The following ABCA2 variants were observed in gnomAD, a reference collection of about 807,000 sequenced individuals.
The protein encoded by ABCA2 is ATP binding cassette subfamily A member 2, also known as ATP-binding cassette sub-family A member 2.
Under a neutral mutation model 262.8 loss-of-function variants are expected in ABCA2, and 84 were observed. The ratio of observed to expected loss-of-function variants is 0.32; its 90% CI spans 0.27 to 0.38. ABCA2 has a LOEUF of 0.38. Ranked by LOEUF, ABCA2 falls within the 10% of genes least tolerant of loss-of-function variation. The probability of loss-of-function intolerance (pLI) is 1.00; values close to 1 mark genes in which losing one functional copy is unlikely to be tolerated. For synonymous variants in ABCA2, 1,696 were observed against 1,502.9 expected (o/e 1.13, Z -2.97); for missense variants, 2,662 against 3,405.9 (o/e 0.78, Z 5.44).
At position 137,020,589 on chromosome 9, in the gene ABCA2, A is replaced by G. The variant is rs1357469608; in HGVS notation, c.1266-94T>C. The G allele has an allele frequency of 1.4e-5, 21 of 1,546,388 alleles. No homozygotes were observed. In the East Asian group the frequency reaches 4.5e-4, roughly 33 times the overall value. ...GGGATGGGGCAGGACTTCGGGGCACAGGGCAGGGCGCCAAATGAGACCTCC... is the reference window on the plus strand; with the variant it reads ...GGGATGGGGCAGGACTTCGGGGCACGGGGCAGGGCGCCAAATGAGACCTCC... On this transcript the variant is annotated intron_variant, in intron 9 of 48. Coordinates refer to ENST00000341511, the MANE Select transcript of ABCA2 (RefSeq NM_001606.5).
chr9:137,028,346 C>T (rs932884300), upstream of ABCA2: 4 of 879,236 alleles, frequency 4.5e-6, no homozygotes, highest in Admixed American at 6.4e-5. This position sits in a 1 kb window ranked among gnomAD's most constrained non-coding sequence, Gnocchi z 6.9. Context: ...TTAAAGGCGC[C>T]GCGCTCCGTC....
In ABCA2 at chr9:137,012,904, G is replaced by A; in HGVS notation, c.4889C>T (p.Ser1630Phe). The A allele has an allele frequency of 6.5e-7, 1 of 1,541,582 alleles. No homozygotes were observed. Among genetic ancestry groups the A allele is most frequent in the Non-Finnish European group, 8.8e-7 (1 of 1,142,722 alleles). ...AGPEMWTSAP[S>F]LPRLVREPVR... Reference sequence around the variant, plus strand: ...GGGCTCCCGTACCAGGCGCGGCAGGGAGGGTGCCGACGTCCACATTTCTGT... The same window carrying A: ...GGGCTCCCGTACCAGGCGCGGCAGGAAGGGTGCCGACGTCCACATTTCTGT... Residue 1630 changes from serine to phenylalanine, a missense_variant, in exon 31 of 49, where the codon TCC becomes TTC. Ser to Phe is a radical substitution (Grantham distance 155). Transcript: ENST00000341511.
intron 22 of ABCA2, 25 bp from the exon 23 acceptor site, chr9:137,015,896 G>C: frequency 6.2e-7 from 1 of 1,607,706 alleles, no homozygotes; most frequent in African/African-American, 1.3e-5. Context: ...TGGGGCATGG[G>C]GCTGCTGCTA....
In ABCA2 at chr9:137,019,125, G is replaced by A. The variant is rs1831367517; in HGVS notation, c.1554+53C>T. 5.6e-6 allele frequency: 9 copies of A among 1,603,544 alleles called. No homozygotes were observed. The highest frequency in any genetic ancestry group is 6.8e-6 in the Non-Finnish European group (8 of 1,173,564). On this transcript the variant is annotated intron_variant, in intron 11 of 48. Transcript: ENST00000341511. This position sits in a 1 kb window ranked among gnomAD's most constrained non-coding sequence, Gnocchi z 4.4. ...ACCTGCGCCTGCCGAGCCGGGCAGAGAGGGGCTCCCCACACCACCCACAGC... is the reference window on the plus strand; with the variant it reads ...ACCTGCGCCTGCCGAGCCGGGCAGAAAGGGGCTCCCCACACCACCCACAGC...
rs373621504 is a variant in ABCA2, at chr9:137,011,328, C to G, written c.5800-19G>C. On this transcript the variant is annotated intron_variant, in intron 37 of 48. Transcript: ENST00000341511. This position sits in a 1 kb window ranked among gnomAD's most constrained non-coding sequence, Gnocchi z 8.8. ...TCAGGTCCTGCGGGGTGGCCGGGGTCAGGGGCACAGGGGTGGCCGGGGTGA... is the reference window on the plus strand; with the variant it reads ...TCAGGTCCTGCGGGGTGGCCGGGGTGAGGGGCACAGGGGTGGCCGGGGTGA... 1 of 1,606,062 alleles carries G rather than the reference C, an allele frequency of 6.2e-7. No individual in the cohort carries two copies. The highest frequency in any genetic ancestry group is 2.2e-5 in the East Asian group (1 of 44,694).
At chr9:137,020,290 C>T (rs763437906) in intron 10 of ABCA2, 46 bp downstream of exon 10, 8 of 1,607,130 alleles carry the variant, frequency 5.0e-6, no homozygotes, top group Non-Finnish European at 6.8e-6. Context: ...GCAGAGACCC[C>T]CTCCCACTCT....
Position 137,028,062 on chromosome 9 carries a change from G to C in ABCA2, c.66+13C>G, listed in dbSNP as rs1420952168. 29 of 984,016 alleles carry C rather than the reference G, an allele frequency of 2.9e-5. No homozygotes were observed. Among genetic ancestry groups the C allele is most frequent in the Non-Finnish European group, 3.4e-5 (28 of 829,092 alleles). The allele number at this position is 984,016 out of a possible 1,614,324, so 61.0% of individuals were successfully genotyped here. A position where few individuals can be genotyped will look rare whatever the true frequency, so the allele number is the denominator to read the frequency against. On this transcript the variant is annotated intron_variant, in intron 1 of 48. Coordinates refer to ENST00000341511, the MANE Select transcript of ABCA2 (RefSeq NM_001606.5). This position sits in a 1 kb window ranked among gnomAD's most constrained non-coding sequence, Gnocchi z 6.9. Reference sequence around the variant, plus strand: ...GGCCTCGGGCTGAGGGCGGGCGCGTGGGGTGGGCTCACCGGGCTCCGGCGT... The same window carrying C: ...GGCCTCGGGCTGAGGGCGGGCGCGTCGGGTGGGCTCACCGGGCTCCGGCGT...
rs775540856 is a variant in ABCA2 at position 137,021,036 on chromosome 9, G to A, written c.923C>T (p.Ser308Leu). The A allele has an allele frequency of 2.7e-6, 4 of 1,482,594 alleles. No individual in the cohort carries two copies. Among genetic ancestry groups the A allele is most frequent in the Admixed American group, 2.6e-5 (1 of 39,054 alleles). 91.8% of individuals were successfully genotyped at this position (1,482,594 alleles called of 1,614,324 possible). Residue 308 changes from serine (S) to leucine (L), a missense_variant, in exon 9 of 49, where the codon TCG becomes TTG. Ser to Leu is a moderately radical substitution (Grantham distance 145). Transcript: ENST00000341511. This position sits in a 1 kb window ranked among gnomAD's most constrained non-coding sequence, Gnocchi z 6.0. ...QQLGLDAPNG[S>L]DSSPQAPPPR... is the part of the protein sequence containing the mutation. ...GGGTGGCGCCTGTGGCGAGGAGTCCGAGCCGTTGGGGGCATCCAGGCCCAG... is the reference window on the plus strand; with the variant it reads ...GGGTGGCGCCTGTGGCGAGGAGTCCAAGCCGTTGGGGGCATCCAGGCCCAG...
At position 137,020,839 on chromosome 9, in the gene ABCA2, C is replaced by G. The variant is rs1484942108; in HGVS notation, c.1120G>C (p.Gly374Arg). ...AGGAANGTGA[G>R]AVMGPNATAE... ...GTGGCGTTGGGGCCCATGACTGCCC[C>G]TGCCCCAGTGCCATTGGCCGCCCCA... The change falls in exon 9 of 49, where the codon GGG becomes CGG. Residue 374 changes from glycine to arginine, a missense_variant. By Grantham distance (125) the Gly-to-Arg change is moderately radical (BLOSUM62 -2). Transcript: ENST00000341511. 6.4e-7 allele frequency: 1 copy of G among 1,550,662 alleles called. No homozygotes were observed.
At chr9:137,023,233 T>A (rs1266553508) in intron 3 of ABCA2, 181 bp from the exon 4 acceptor site, 2 of 633,140 alleles carry the variant, frequency 3.2e-6, no homozygotes, top group African/African-American at 1.8e-5. Context: ...AGGCCAAGCG[T>A]TCTGGGGCGA....
rs1383420664 is a variant in ABCA2 at position 137,013,838 on chromosome 9, C to T, written c.4441G>A (p.Glu1481Lys). The change falls in exon 28 of 49, where the codon GAG becomes AAG. Residue 1481 changes from glutamate (E) to lysine (K), a missense_variant. Physicochemically the swap from Glu to Lys is moderately conservative, Grantham distance 56. Around this residue, in one of 12 missense-constraint regions of ABCA2, gnomAD observed 75 missense variants for 118.3 expected, o/e 0.63. Transcript: ENST00000341511. ...TGTCCAGCCGGTGGCCTACCAATCT[C>T]CGGGACGGACAGGGCCACGGTCATG... ...VAMTVALSVPEIGDLPPLVLS... is the reference protein window; with the variant it reads ...VAMTVALSVPKIGDLPPLVLS... 6.2e-7 allele frequency: 1 copy of T among 1,605,280 alleles called. No individual in the cohort carries two copies. The highest frequency in any genetic ancestry group is 8.5e-7 in the Non-Finnish European group (1 of 1,176,582).
At position 137,017,076 on chromosome 9, in the gene ABCA2, G is replaced by A. The variant is rs1159833284; in HGVS notation, c.2602C>T (p.Leu868=). The A allele has an allele frequency of 1.7e-5, 28 of 1,612,650 alleles. No homozygotes were observed. Among genetic ancestry groups the A allele is most frequent in the Non-Finnish European group, 2.3e-5 (27 of 1,179,988 alleles). The change falls in exon 19 of 49, where the codon CTG becomes TTG. Residue 868 remains leucine (L), a synonymous_variant. Coordinates refer to ENST00000341511, the MANE Select transcript of ABCA2 (RefSeq NM_001606.5). ...ATGCCCACGCCGGCCACCTCATACA[G>A]CGCGAAGTACTTAGAGCCCAGACCA... The part of the protein sequence containing the change: ...AFGLGSKYFA[L]YEVAGVGIQW...
Position 137,016,580 on chromosome 9 carries a change from G to A in ABCA2, c.2917C>T (p.Arg973Cys), listed in dbSNP as rs768820688. The change falls in exon 20 of 49, where the codon CGC (arginine) becomes TGC (cysteine). Residue 973 changes from arginine (R) to cysteine (C), a missense_variant. Transcript: ENST00000341511. ...ATTCTGATGCCAGCCTCACCAAAGC[G>A]CCGGCTCTCCATGGCACAGGCCTGG... is the stretch of plus-strand genomic sequence containing the variant. ...EDQACAMESRRFEETRGMEEE... is the reference protein window; with the variant it reads ...EDQACAMESRCFEETRGMEEE... The A allele has an allele frequency of 7.8e-5, 125 of 1,612,010 alleles. 1 individual carries two copies. The highest frequency in any genetic ancestry group is 3.3e-4 in the Middle Eastern group (2 of 6,082).
chr9:137,008,739 G>T lies in ABCA2; in HGVS notation c.7060C>A (p.Leu2354Met). 2 of 1,581,498 alleles carry T rather than the reference G, an allele frequency of 1.3e-6. No homozygotes were observed. The highest frequency in any genetic ancestry group is 8.6e-7 in the Non-Finnish European group (1 of 1,165,006). ...GCCCTTGGGGCGCTCACATTGTCCA[G>T]TGTGGTCTGGCTGACCGAGTAGTCC... ...IEDYSVSQTTLDNVFVNFAKK... is the reference protein window; with the variant it reads ...IEDYSVSQTTMDNVFVNFAKK... The change falls in exon 47 of 49, where the codon CTG becomes ATG. Residue 2354 changes from leucine (L) to methionine (M), a missense_variant. Coordinates refer to ENST00000341511, the MANE Select transcript of ABCA2 (RefSeq NM_001606.5).
chr9:137,012,489 G>A lies in ABCA2; in HGVS notation c.5183C>T (p.Ala1728Val), dbSNP rs769010529. 9.9e-6 allele frequency: 16 copies of A among 1,611,246 alleles called. No homozygotes were observed. The African/African-American group carries it at 2.0e-4, about 20-fold the overall frequency. ...MVRKIAVRRA[A>V]QVFYNNKGYH... ...CAGGCCCGCAGCCTCGCTCACCTGG[G>A]CAGCCCTGCGCACCGCGATCTTCCG... The change falls in exon 32 of 49, where the codon GCC (alanine) becomes GTC (valine). Residue 1728 changes from alanine to valine, a missense_variant. Around this residue, in one of 12 missense-constraint regions of ABCA2, gnomAD observed 602 missense variants for 897.4 expected, o/e 0.67. Transcript: ENST00000341511.
chr9:137,024,349 A>G, intron 1 of ABCA2, 113 bp from the exon 2 acceptor site: 1 of 899,544 alleles, frequency 1.1e-6, no homozygotes, highest in Middle Eastern at 2.3e-4. Flanking sequence ...CCCTGGGGCC[A>G]GGGAAGGTGG....
chr9:137,008,682 G>C, intron 47 of ABCA2, 49 bp downstream of exon 47: 1 of 1,563,202 alleles, frequency 6.4e-7, no homozygotes, highest in Non-Finnish European at 8.7e-7. Context: ...GGGGCAGGGC[G>C]GGTGAGGGGA....
chr9:137,016,556 T>A lies in ABCA2; in HGVS notation c.2923+18A>T. 6.2e-7 allele frequency: 1 copy of A among 1,612,260 alleles called. No individual in the cohort carries two copies. Among genetic ancestry groups the A allele is most frequent in the African/African-American group, 1.3e-5 (1 of 75,038 alleles). ...AACCCAGCGCCCACCCCAGCCACCA[T>A]TCTGATGCCAGCCTCACCAAAGCGC... is the stretch of plus-strand genomic sequence containing the variant. On this transcript the variant is annotated intron_variant, in intron 20 of 48. Coordinates refer to ENST00000341511, the MANE Select transcript of ABCA2 (RefSeq NM_001606.5).
Position 137,017,486 on chromosome 9 carries a change from C to T in ABCA2, c.2402+16G>A, listed in dbSNP as rs947808418. 7.5e-6 allele frequency: 12 copies of T among 1,602,076 alleles called. No individual in the cohort carries two copies. The African/African-American group carries it at 1.5e-4, about 20-fold the overall frequency. On this transcript the variant is annotated intron_variant, in intron 17 of 48. Coordinates refer to ENST00000341511, the MANE Select transcript of ABCA2 (RefSeq NM_001606.5). ...AGTGCCTGCCCCAGGTCCCTCCTAC[C>T]ATGGCCCGCGCTCACCAGAACATGA...
Sources: gnomAD v4.1 joint callset for allele counts on GRCh38, gnomAD v4.1.1 for gene constraint, gnomAD v4.1.1 regional missense constraint, Gnocchi (gnomAD v3.1) non-coding constraint, MANE v1.5 for transcripts, NCBI Gene and HGNC (gene_info 2026-07-23, HGNC 2026-07-21) for gene names.